SHCBP1L: variants seen among roughly 807,000 people sequenced by gnomAD.
The protein encoded by SHCBP1L is testicular spindle-associated protein SHCBP1L.
Under a neutral mutation model 62.5 loss-of-function variants are expected in SHCBP1L, and 67 were observed. The ratio of observed to expected loss-of-function variants is 1.07; its 90% CI spans 0.88 to 1.31. The LOEUF (loss-of-function observed/expected upper bound fraction) is 1.31, where lower values mean the gene tolerates loss of function less well. SHCBP1L is among the 40% of genes most tolerant of loss of function. The pLI is 0.00. For synonymous variants in SHCBP1L, 284 were observed against 289.4 expected, an observed-to-expected ratio of 0.98 and a Z score of 0.19; for missense variants, 823 against 809.8, an observed-to-expected ratio of 1.02 and a Z score of -0.20.
intron 6 of SHCBP1L, among the ~76,000 whole-genome samples, chr1:182,924,768 GAAAGAAAGAAAGAA>G (rs1557996758): frequency 5.4e-5 from 5 of 93,176 alleles, no homozygotes; most frequent in South Asian, 4.3e-4. Flanking sequence ...AAGAAAGAAA[GAAAGAAAGAAAGAA>G]AGAAAGAGAG....
chr1:182,915,059 G>A (rs1029884287), intron 6 of SHCBP1L, among the ~76,000 whole-genome samples: 2 of 149,418 alleles, frequency 1.3e-5, no homozygotes, highest in African/African-American at 2.5e-5. Flanking sequence ...CTACTCAGGA[G>A]GCTGAGGCAG....
chr1:182,932,093 T>C (rs913495022), intron 5 of SHCBP1L, among the ~76,000 whole-genome samples: 1 of 151,920 alleles, frequency 6.6e-6, no homozygotes, highest in Non-Finnish European at 1.5e-5. Flanking sequence ...CCATGTCTTG[T>C]CATGGCTTGA....
At chr1:182,900,336 G>T in intron 9 of SHCBP1L, 102 bp from the exon 10 acceptor site, 1 of 1,030,826 alleles carries the variant, frequency 9.7e-7, no homozygotes, top group Non-Finnish European at 1.3e-6. Flanking sequence ...TGGATTAACA[G>T]ATTTTTTAAA....
rs147971191 is a variant in SHCBP1L at position 182,939,426 on chromosome 1, T to C, written c.858-32A>G. On this transcript the variant is annotated intron_variant, in intron 4 of 9. Coordinates refer to ENST00000367547, the MANE Select transcript of SHCBP1L (RefSeq NM_030933.4). ...ATTATCAACATAATTACAATGTTTATTTTTTCTAATGTGCGGTATAAGTTT... is the reference window on the plus strand; with the variant it reads ...ATTATCAACATAATTACAATGTTTACTTTTTCTAATGTGCGGTATAAGTTT... 6 of 1,608,634 alleles carry C rather than the reference T, an allele frequency of 3.7e-6. No individual in the cohort carries two copies. The East Asian group carries it at 8.9e-5, about 24-fold the overall frequency.
chr1:182,936,087 CT>C (rs1651158039), intron 5 of SHCBP1L, among the ~76,000 whole-genome samples: 1 of 138,616 alleles, frequency 7.2e-6, no homozygotes, highest in Non-Finnish European at 1.6e-5. Context: ...TTTTCCCTTT[CT>C]TTTCTGCCTC....
chr1:182,924,946 G>GAAAGA (rs1650680188), intron 6 of SHCBP1L, among the ~76,000 whole-genome samples: 3 of 108,124 alleles, frequency 2.8e-5, no homozygotes, highest in Non-Finnish European at 5.4e-5. Flanking sequence ...AAGAAAGAAA[G>GAAAGA]AAAGAAAGAA....
Position 182,929,652 on chromosome 1 carries a change from C to T in SHCBP1L, c.1177G>A (p.Glu393Lys). 6.5e-7 allele frequency: 1 copy of T among 1,540,988 alleles called. No individual in the cohort carries two copies. Among genetic ancestry groups the T allele is most frequent in the Non-Finnish European group, 8.8e-7 (1 of 1,139,862 alleles). ...AAGAATAGTTTATTTCTTACCATTT[C>T]AGTAGTCATCATTTTTGCTACAATA... ...THIVAKMMTTEMIKDLSSDTL... is the reference protein window; with the variant it reads ...THIVAKMMTTKMIKDLSSDTL... Residue 393 changes from glutamate (E) to lysine (K), a missense_variant, in exon 6 of 10, where the codon GAA becomes AAA. Physicochemically the swap from Glu to Lys is moderately conservative, Grantham distance 56 (BLOSUM62 1). Transcript: ENST00000367547.
chr1:182,914,944 C>T (rs1054749659), intron 6 of SHCBP1L, among the ~76,000 whole-genome samples: 50 of 151,568 alleles, frequency 3.3e-4, no homozygotes, highest in African/African-American at 9.2e-4. Flanking sequence ...GCGAGGTGGG[C>T]GGATCATGAG....
At chr1:182,912,930 T>C (rs971630636) in intron 6 of SHCBP1L, among the ~76,000 whole-genome samples, 5 of 148,168 alleles carry the variant, frequency 3.4e-5, no homozygotes, top group Admixed American at 6.7e-5. Flanking sequence ...AGGTCAGGAG[T>C]TCAAGACCAG....
chr1:182,941,971 G>T, intron 2 of SHCBP1L: 1 of 1,116,050 alleles, frequency 9.0e-7, no homozygotes, highest in South Asian at 1.3e-5. Flanking sequence ...GGATGAGGTG[G>T]GATTCCCTCC....
intron 5 of SHCBP1L, among the ~76,000 whole-genome samples, chr1:182,932,551 G>A (rs1266880536): frequency 2.6e-5 from 4 of 152,094 alleles, no homozygotes; most frequent in Non-Finnish European, 5.9e-5. Flanking sequence ...CACAATCTCA[G>A]CGGCACGATC....
At chr1:182,901,066 A>G (rs1363134569) in intron 9 of SHCBP1L, among the ~76,000 whole-genome samples, 2 of 152,354 alleles carry the variant, frequency 1.3e-5, no homozygotes, top group Admixed American at 6.5e-5. Context: ...ATGTGATAGC[A>G]TGACTGGGTG....
At chr1:182,924,571 C>T (rs1175535915) in intron 6 of SHCBP1L, among the ~76,000 whole-genome samples, 1 of 151,546 alleles carries the variant, frequency 6.6e-6, no homozygotes, top group South Asian at 2.1e-4. Flanking sequence ...GCTGGGATTA[C>T]AGGTGTGAGC....
intron 6 of SHCBP1L, among the ~76,000 whole-genome samples, chr1:182,916,804 C>A (rs974167346): frequency 6.6e-5 from 10 of 152,054 alleles, no homozygotes; most frequent in Admixed American, 2.6e-4. Context: ...ATAAATCTAC[C>A]AAACATTTCA....
chr1:182,916,906 GGAAAGACA>G (rs1279311482), intron 6 of SHCBP1L, among the ~76,000 whole-genome samples: 2 of 152,114 alleles, frequency 1.3e-5, no homozygotes, highest in Non-Finnish European at 2.9e-5. Flanking sequence ...GAGGGTGGGA[GGAAAGACA>G]GGAGCAGAAA....
intron 1 of SHCBP1L, chr1:182,952,044 CT>C: frequency 5.6e-6 from 1 of 177,898 alleles, no homozygotes; most frequent in Non-Finnish European, 1.2e-5. Context: ...GTAATCCCAG[CT>C]ACTCGGGAGG....
rs1414073870 is a variant in SHCBP1L at position 182,915,093 on chromosome 1, C to T, written c.1183-9444G>A. Among the ~76,000 whole-genome samples the T allele has an allele frequency of 1.1e-4, 13 of 123,502 alleles. No individual in the cohort carries two copies. The South Asian group carries it at 1.1e-3, about 11-fold the overall frequency. 81.0% of individuals were successfully genotyped at this position (123,502 alleles called of 152,430 possible). Reference sequence around the variant, plus strand: ...AGGAGAATCACTTGAACCTGGGAGGCGGAAGTTGCAGTGAGCTGAGATCGC... The same window carrying T: ...AGGAGAATCACTTGAACCTGGGAGGTGGAAGTTGCAGTGAGCTGAGATCGC... On this transcript the variant is annotated intron_variant, in intron 6 of 9. Transcript: ENST00000367547.
chr1:182,912,278 A>G (rs1650213092), intron 6 of SHCBP1L, among the ~76,000 whole-genome samples: 1 of 152,200 alleles, frequency 6.6e-6, no homozygotes, highest in Non-Finnish European at 1.5e-5. Flanking sequence ...CCTGTTATCC[A>G]CAAAAAAGAA....
intron 5 of SHCBP1L, among the ~76,000 whole-genome samples, chr1:182,931,026 T>C (rs1208502703): frequency 6.6e-6 from 1 of 151,390 alleles, no homozygotes; most frequent in South Asian, 2.1e-4. Context: ...CCAGTACCAA[T>C]ATTTTTGAGC....
Sources: gnomAD v4.1 joint callset for allele counts (sites outside exome capture counted in the v4.1 genomes callset) on GRCh38, gnomAD v4.1.1 for gene constraint, MANE v1.5 for transcripts, NCBI Gene and HGNC (gene_info 2026-07-23, HGNC 2026-07-21) for gene names.